The following ANK1 variants were observed in gnomAD, a reference collection of about 807,000 sequenced individuals.
ANK1 encodes the protein ankyrin 1.
Under a neutral mutation model 210.4 loss-of-function variants are expected in ANK1, and 51 were observed. The ratio of observed to expected loss-of-function variants is 0.24; its 90% CI spans 0.19 to 0.31. ANK1 has a LOEUF of 0.31. Among genes scored for constraint, ANK1 ranks in the 10% least tolerant of loss-of-function variants. The probability of loss-of-function intolerance (pLI) is 1.00; values close to 1 mark genes in which losing one functional copy is unlikely to be tolerated. For synonymous variants in ANK1, 967 were observed against 1,025.9 expected (o/e 0.94, Z 1.10); for missense variants, 2,051 against 2,504.4 (o/e 0.82, Z 3.86).
At position 41,688,506 on chromosome 8, in the gene ANK1, C is replaced by G. The variant is rs370972172; in HGVS notation, c.4183+5G>C. 1.9e-6 allele frequency: 3 copies of G among 1,613,884 alleles called. No homozygotes were observed. The highest frequency in any genetic ancestry group is 2.2e-5 in the South Asian group (2 of 91,080). On this transcript the variant is annotated splice_donor_5th_base_variant and intron_variant, in intron 34 of 42. Transcript: ENST00000289734. ...CAAGCATGCATCATCACACAGAGGC[C>G]GTACCTGGTGTGGACTCACTGAGAA...
chr8:41,742,280 AC>A (rs1440927381), intron 2 of ANK1, among the ~76,000 whole-genome samples: 1 of 152,260 alleles, frequency 6.6e-6, no homozygotes, highest in African/African-American at 2.4e-5. Flanking sequence ...TACAGGAGAC[AC>A]GGGGAATTTA....
chr8:41,741,372 G>A (rs1401550366), intron 2 of ANK1, among the ~76,000 whole-genome samples: 1 of 152,068 alleles, frequency 6.6e-6, no homozygotes, highest in Admixed American at 6.5e-5. Flanking sequence ...TGGGGGCCCC[G>A]TGGAGAAAAG....
At chr8:41,858,418 C>T (rs896289658) in intron 1 of ANK1, among the ~76,000 whole-genome samples, 1 of 152,042 alleles carries the variant, frequency 6.6e-6, no homozygotes, top group Non-Finnish European at 1.5e-5. Context: ...AATCATCTAC[C>T]CAAGCACTGC....
upstream of ANK1, among the ~76,000 whole-genome samples, chr8:41,801,706 ATGT>A (rs1849889678): frequency 6.6e-6 from 1 of 151,916 alleles, no homozygotes; most frequent in African/African-American, 2.4e-5. Flanking sequence ...TTTTTCTGTT[ATGT>A]TGTTTGTCTT....
chr8:41,887,799 T>C (rs149806930), intron 1 of ANK1, among the ~76,000 whole-genome samples: 1 of 152,356 alleles, frequency 6.6e-6, no homozygotes, highest in East Asian at 1.9e-4. Context: ...CTATTTTCAA[T>C]TAAAAGAATA....
At chr8:41,786,239 C>T (rs961589381) in intron 1 of ANK1, among the ~76,000 whole-genome samples, 1 of 152,200 alleles carries the variant, frequency 6.6e-6, no homozygotes, top group Non-Finnish European at 1.5e-5. Context: ...GAATTAGGAA[C>T]ATCTCAGAGG....
intron 37 of ANK1, among the ~76,000 whole-genome samples, chr8:41,675,878 T>C (rs1472341812): frequency 2.0e-5 from 3 of 152,230 alleles, no homozygotes; most frequent in Non-Finnish European, 2.9e-5. Flanking sequence ...ACTCTCTCTT[T>C]CTTTAAAGCC....
intron 1 of ANK1, among the ~76,000 whole-genome samples, chr8:41,821,680 G>C (rs186943231): frequency 3.9e-5 from 6 of 152,306 alleles, no homozygotes; most frequent in Admixed American, 3.3e-4. Context: ...CCTAACCAGT[G>C]ATAAACCATC....
intron 24 of ANK1, 189 bp downstream of exon 24, chr8:41,697,854 C>T (rs570271780): frequency 4.4e-5 from 30 of 677,566 alleles, no homozygotes; most frequent in East Asian, 4.1e-4. Context: ...CTCTTCCAGA[C>T]GCCGCCCACC....
At chr8:41,718,893 A>G (rs1828472548) in intron 10 of ANK1, among the ~76,000 whole-genome samples, 1 of 152,200 alleles carries the variant, frequency 6.6e-6, no homozygotes, top group African/African-American at 2.4e-5. Flanking sequence ...TCGACCCCAA[A>G]TGTCAACAGT....
intron 1 of ANK1, among the ~76,000 whole-genome samples, chr8:41,875,704 G>T (rs1816426884): frequency 6.6e-6 from 1 of 152,086 alleles, no homozygotes; most frequent in Non-Finnish European, 1.5e-5. Flanking sequence ...CCTCCTTGCT[G>T]CTCGTAGAAG....
At chr8:41,685,692 G>A (rs1245004366) in intron 36 of ANK1, among the ~76,000 whole-genome samples, 2 of 152,186 alleles carry the variant, frequency 1.3e-5, no homozygotes, top group Admixed American at 1.3e-4. Context: ...CTGGAGTGCA[G>A]CAGTGCAACT....
In ANK1 at chr8:41,695,174, T is replaced by C. The variant is rs1563455691; in HGVS notation, c.3115+3A>G. 1 of 1,614,112 alleles carries C rather than the reference T, an allele frequency of 6.2e-7. No individual in the cohort carries two copies. Among genetic ancestry groups the C allele is most frequent in the South Asian group, 1.1e-5 (1 of 91,076 alleles). On this transcript the variant is annotated splice_donor_region_variant and intron_variant, in intron 27 of 42. Transcript: ENST00000289734. Reference sequence around the variant, plus strand: ...ACCCAGCCCTGGGATCCCCCGCCCCTACCTTCGTCCATCCCGTTGAGGATC... The same window carrying C: ...ACCCAGCCCTGGGATCCCCCGCCCCCACCTTCGTCCATCCCGTTGAGGATC...
At chr8:41,725,708 CT>C in intron 6 of ANK1, 52 bp downstream of exon 6, 1 of 1,576,940 alleles carries the variant, frequency 6.3e-7, no homozygotes, top group Non-Finnish European at 8.6e-7. Flanking sequence ...GCGGTGCCCC[CT>C]GAGCCCACGG....
At chr8:41,878,697 T>C (rs948367800) in intron 1 of ANK1, among the ~76,000 whole-genome samples, 2 of 152,194 alleles carry the variant, frequency 1.3e-5, no homozygotes, top group Admixed American at 1.3e-4. Context: ...CACAGGACCC[T>C]TTTAAGGGCA....
At chr8:41,708,445 A>G (rs1316815781) in intron 17 of ANK1, among the ~76,000 whole-genome samples, 1 of 152,014 alleles carries the variant, frequency 6.6e-6, no homozygotes, top group Admixed American at 6.6e-5. Flanking sequence ...GACAGAATGC[A>G]CTCCTGAAGG....
chr8:41,715,395 T>A (rs529501826), intron 14 of ANK1, among the ~76,000 whole-genome samples: 8 of 152,334 alleles, frequency 5.3e-5, no homozygotes, highest in African/African-American at 1.9e-4. Flanking sequence ...AAAGCAGGTT[T>A]CGACTAATAA....
intron 2 of ANK1, among the ~76,000 whole-genome samples, chr8:41,756,598 A>G (rs930181766): frequency 9.2e-5 from 14 of 152,042 alleles, no homozygotes; most frequent in Admixed American, 5.9e-4. Flanking sequence ...ATGCACCACC[A>G]TGCCCGGCTA....
chr8:41,696,087 G>A (rs1425811734), intron 26 of ANK1, among the ~76,000 whole-genome samples: 1 of 152,192 alleles, frequency 6.6e-6, no homozygotes, highest in African/African-American at 2.4e-5. Context: ...ACGGGGTCTT[G>A]CTATGTTTTC....
Sources: gnomAD v4.1 joint callset for allele counts (sites outside exome capture counted in the v4.1 genomes callset) on GRCh38, gnomAD v4.1.1 for gene constraint, MANE v1.5 for transcripts, NCBI Gene and HGNC (gene_info 2026-07-23, HGNC 2026-07-21) for gene names.